RAPGEF6: variants seen among roughly 807,000 people sequenced by gnomAD.
The protein encoded by RAPGEF6 is PDZ domain containing guanine nucleotide exchange factor (GEF) 2.
In RAPGEF6, 56 loss-of-function variants were observed where a neutral mutation model predicts 171.4. The ratio of observed to expected loss-of-function variants is 0.33; its 90% CI spans 0.26 to 0.41. The LOEUF (loss-of-function observed/expected upper bound fraction) is 0.41. Ranked by LOEUF, RAPGEF6 falls within the 10% of genes least tolerant of loss-of-function variation. The pLI is 1.00. For missense variants in RAPGEF6, 1,674 were observed against 1,921.4 expected, an observed-to-expected ratio of 0.87 and a Z score of 2.41; for synonymous variants, 692 against 650.1, an observed-to-expected ratio of 1.06 and a Z score of -0.98.
At chr5:131,618,296 C>A (rs908999862) in intron 1 of RAPGEF6, among the ~76,000 whole-genome samples, 1 of 152,068 alleles carries the variant, frequency 6.6e-6, no homozygotes, top group Non-Finnish European at 1.5e-5. Flanking sequence ...GAAAGCTCTT[C>A]TATACAGAAA....
intron 7 of RAPGEF6, among the ~76,000 whole-genome samples, chr5:131,512,921 A>C (rs1313457339): frequency 2.0e-5 from 3 of 152,162 alleles, no homozygotes; most frequent in African/African-American, 7.2e-5. Flanking sequence ...TTGATCTTTA[A>C]ACTTTCCAGC....
chr5:131,496,071 T>C (rs539003264), intron 12 of RAPGEF6, among the ~76,000 whole-genome samples: 1 of 152,298 alleles, frequency 6.6e-6, no homozygotes, highest in African/African-American at 2.4e-5. Context: ...TCTGGTGCAG[T>C]GGCTCACACC....
intron 11 of RAPGEF6, 139 bp downstream of exon 11, chr5:131,504,487 G>T: frequency 1.1e-6 from 1 of 919,232 alleles, no homozygotes; most frequent in Non-Finnish European, 1.6e-6. Context: ...TTTAGAGAAA[G>T]ACAAAGAGTC....
At chr5:131,518,059 C>T (rs1038524778) in intron 7 of RAPGEF6, among the ~76,000 whole-genome samples, 16 of 151,848 alleles carry the variant, frequency 1.1e-4, no homozygotes, top group Non-Finnish European at 2.1e-4. Flanking sequence ...ACCCACAAAC[C>T]CACCACTAGT....
intron 22 of RAPGEF6, 114 bp from the exon 23 acceptor site, chr5:131,442,651 T>C (rs1204557447): frequency 7.7e-6 from 11 of 1,422,032 alleles, no homozygotes; most frequent in East Asian, 7.4e-5. Flanking sequence ...AAAGATAAAA[T>C]AGATTAATTT....
chr5:131,518,058 C>T (rs1758215519), intron 7 of RAPGEF6, among the ~76,000 whole-genome samples: 1 of 151,826 alleles, frequency 6.6e-6, no homozygotes, highest in Admixed American at 6.6e-5. Context: ...TACCCACAAA[C>T]CCACCACTAG....
intron 16 of RAPGEF6, among the ~76,000 whole-genome samples, chr5:131,474,612 G>C (rs1754975034): frequency 6.6e-6 from 1 of 152,012 alleles, no homozygotes; most frequent in African/African-American, 2.4e-5. Context: ...GACAGATAAA[G>C]CAAAGGAGAT....
intron 5 of RAPGEF6, among the ~76,000 whole-genome samples, chr5:131,552,960 GA>G (rs1231568615): frequency 1.3e-5 from 2 of 152,114 alleles, no homozygotes; most frequent in African/African-American, 4.8e-5. Flanking sequence ...TTAGAGAATA[GA>G]AAGTCAAAAT....
intron 4 of RAPGEF6, among the ~76,000 whole-genome samples, chr5:131,586,008 C>T (rs563552210): frequency 3.9e-5 from 6 of 152,264 alleles, no homozygotes; most frequent in South Asian, 2.1e-4. Flanking sequence ...CCACCTTGAG[C>T]ACATGTCATG....
chr5:131,543,740 T>C (rs1205597469), intron 6 of RAPGEF6, among the ~76,000 whole-genome samples: 2 of 152,150 alleles, frequency 1.3e-5, no homozygotes, highest in African/African-American at 4.8e-5. Flanking sequence ...ATACTGGAGT[T>C]TTTATACTTG....
At chr5:131,565,808 G>A (rs898575715) in intron 4 of RAPGEF6, among the ~76,000 whole-genome samples, 2 of 152,122 alleles carry the variant, frequency 1.3e-5, no homozygotes, top group African/African-American at 4.8e-5. Context: ...AAAGGCAGTG[G>A]GGGATGGAGC....
At chr5:131,454,651 T>C (rs888152649) in intron 20 of RAPGEF6, among the ~76,000 whole-genome samples, 1 of 152,070 alleles carries the variant, frequency 6.6e-6, no homozygotes, top group African/African-American at 2.4e-5. Flanking sequence ...AAATGAGACA[T>C]AGTTGGAGAG....
chr5:131,632,394 CA>C (rs920271607), intron 1 of RAPGEF6, among the ~76,000 whole-genome samples: 5 of 152,176 alleles, frequency 3.3e-5, no homozygotes, highest in African/African-American at 1.2e-4. Flanking sequence ...AGTCTTTGAT[CA>C]AAAATCATCT....
chr5:131,453,884 G>C (rs1753289333), intron 20 of RAPGEF6, among the ~76,000 whole-genome samples: 1 of 152,156 alleles, frequency 6.6e-6, no homozygotes, highest in Admixed American at 6.5e-5. Context: ...GAACATGTCA[G>C]AAAAACATAT....
chr5:131,614,877 T>A (rs559602213), intron 1 of RAPGEF6, among the ~76,000 whole-genome samples: 1 of 152,336 alleles, frequency 6.6e-6, no homozygotes, highest in Non-Finnish European at 1.5e-5. Context: ...CTACCCAGAA[T>A]CCTTTCAGTA....
chr5:131,446,426 A>G lies in RAPGEF6; in HGVS notation c.3421+57T>C, dbSNP rs533911490. ...GGGACTTAGGTATAATTCTAGAGAA[A>G]TAAGTTTTTATTTTGTTGTGCTCTT... On this transcript the variant is annotated intron_variant, in intron 22 of 27. Coordinates refer to ENST00000509018, the MANE Select transcript of RAPGEF6 (RefSeq NM_016340.6). 12 of 1,477,150 alleles carry G rather than the reference A, an allele frequency of 8.1e-6. No homozygotes were observed. In the African/African-American group the frequency reaches 1.1e-4, roughly 14 times the overall value. The allele number at this position is 1,477,150 out of a possible 1,614,324, so 91.5% of individuals were successfully genotyped here. A position where few individuals can be genotyped will look rare whatever the true frequency, so the allele number is the denominator to read the frequency against.
intron 6 of RAPGEF6, among the ~76,000 whole-genome samples, chr5:131,529,901 C>CTTTTT (rs1162181624): frequency 1.2e-4 from 14 of 119,806 alleles, no homozygotes; most frequent in African/African-American, 4.3e-4. Context: ...TTGTCTCCCT[C>CTTTTT]TTTTTTTTTT....
At chr5:131,632,076 A>C (rs901050066) in intron 1 of RAPGEF6, among the ~76,000 whole-genome samples, 14 of 76,346 alleles carry the variant, frequency 1.8e-4, no homozygotes, top group East Asian at 1.3e-3. Flanking sequence ...ACTCTGTCTC[A>C]AAAAAAAAAA....
At chr5:131,578,759 C>T (rs1443667494) in intron 4 of RAPGEF6, among the ~76,000 whole-genome samples, 1 of 152,222 alleles carries the variant, frequency 6.6e-6, no homozygotes, top group African/African-American at 2.4e-5. Flanking sequence ...TCCAACTTCG[C>T]ATTACTGATA....
Sources: gnomAD v4.1 joint callset for allele counts (sites outside exome capture counted in the v4.1 genomes callset) on GRCh38, gnomAD v4.1.1 for gene constraint, MANE v1.5 for transcripts, NCBI Gene and HGNC (gene_info 2026-07-23, HGNC 2026-07-21) for gene names.